The following TMEM269 variants were observed in gnomAD, a reference collection of about 807,000 sequenced individuals.
TMEM269 encodes transmembrane protein 269.
TMEM269 carries 12 observed loss-of-function variants against 15.8 expected under a neutral mutation model. The observed-to-expected ratio is 0.76, with a 90% CI of 0.49 to 1.23. The LOEUF is 1.23. TMEM269 is among the 50% of genes most tolerant of loss of function. The pLI is 0.00. For missense variants in TMEM269, 211 were observed against 245.4 expected (o/e 0.86, Z 0.94); for synonymous variants, 93 against 99.3 (o/e 0.94, Z 0.38).
At chr1:42,789,602 C>A in intron 1 of TMEM269, 194 bp from the exon 2 acceptor site, 1 of 1,151,354 alleles carries the variant, frequency 8.7e-7, no homozygotes, top group Non-Finnish European at 1.2e-6. Context: ...TCCCAAGACG[C>A]TGGATCCTCA....
At chr1:42,793,564 A>G in intron 3 of TMEM269, 37 bp from the exon 4 acceptor site, 2 of 1,532,986 alleles carry the variant, frequency 1.3e-6, no homozygotes, top group Non-Finnish European at 1.8e-6. Flanking sequence ...AAGACGTGGG[A>G]GTATAAGTTC....
chr1:42,793,800 G>A (rs1570506201), intron 4 of TMEM269, 56 bp downstream of exon 4: 2 of 1,506,366 alleles, frequency 1.3e-6, no homozygotes, highest in East Asian at 2.5e-5. Flanking sequence ...AGAACGGGGG[G>A]CTGTCGGGTG....
At chr1:42,789,988 G>T in intron 2 of TMEM269, 54 bp downstream of exon 2, 1 of 1,299,408 alleles carries the variant, frequency 7.7e-7, no homozygotes. Flanking sequence ...AATGGCATGC[G>T]GGAAGGAGAG....
At chr1:42,786,737 G>A (rs148689976) in intron 1 of TMEM269, among the ~76,000 whole-genome samples, 55 of 152,346 alleles carry the variant, frequency 3.6e-4, no homozygotes, top group Middle Eastern at 3.4e-3. Flanking sequence ...TGGCTAAACT[G>A]TGTCCTTTGG....
rs1653874605 is a variant in TMEM269, at chr1:42,800,660, T to G, written c.*2435T>G. ...GACCTTGAATAAAACGTTTAATCTCTCTAAGCCTATTTTCCTATCTGTAAA... is the reference window on the plus strand; with the variant it reads ...GACCTTGAATAAAACGTTTAATCTCGCTAAGCCTATTTTCCTATCTGTAAA... On this transcript the variant is annotated 3_prime_UTR_variant, in exon 6 of 6. Coordinates refer to ENST00000637012, the MANE Select transcript of TMEM269 (RefSeq NM_001354602.2). 6.6e-6 allele frequency: 1 copy of G among 152,198 alleles called. No homozygotes were observed. Among genetic ancestry groups the G allele is most frequent in the African/African-American group, 2.4e-5 (1 of 41,442 alleles). 9.4% of individuals were successfully genotyped at this position (152,198 alleles called of 1,614,324 possible). A position where few individuals can be genotyped will look rare whatever the true frequency, so the allele number is the denominator to read the frequency against.
chr1:42,793,020 C>T (rs1653726883), intron 3 of TMEM269, 118 bp downstream of exon 3: 2 of 797,586 alleles, frequency 2.5e-6, no homozygotes, highest in Non-Finnish European at 4.2e-6. Flanking sequence ...CCTGTTCACA[C>T]CCCGCTGAGA....
intron 2 of TMEM269, 24 bp downstream of exon 2, chr1:42,789,958 C>T (rs1192374847): frequency 6.6e-7 from 1 of 1,524,452 alleles, no homozygotes; most frequent in Non-Finnish European, 8.9e-7. Flanking sequence ...CCAGCAAGCT[C>T]TTAGCCAAGA....
chr1:42,786,282 C>T (rs978702327), intron 1 of TMEM269, among the ~76,000 whole-genome samples: 3 of 152,210 alleles, frequency 2.0e-5, no homozygotes, highest in Admixed American at 6.5e-5. Context: ...ACAGGGACCT[C>T]GGCCAGCACT....
Position 42,797,080 on chromosome 1 carries a change from AT to A in TMEM269, c.485-1017del, listed in dbSNP as rs1653802496. 6.6e-6 allele frequency among the ~76,000 whole-genome samples: 1 copy of A among 152,138 alleles called. No individual in the cohort carries two copies. The highest frequency in any genetic ancestry group is 2.1e-4 in the South Asian group (1 of 4,834). On this transcript the variant is annotated intron_variant, in intron 5 of 5. Transcript: ENST00000637012. The surrounding 1 kb of genome is among the most constrained non-coding windows in gnomAD (Gnocchi z 4.9). Reference sequence around the variant, plus strand: ...TTATTGTGAAGTGTAAATGAAAAAAATGTACACATCTAGCAGAATGTCTAGT... The same window carrying A: ...TTATTGTGAAGTGTAAATGAAAAAAAGTACACATCTAGCAGAATGTCTAGT...
intron 1 of TMEM269, among the ~76,000 whole-genome samples, chr1:42,785,308 G>T (rs1409383666): frequency 1.3e-5 from 2 of 152,208 alleles, no homozygotes; most frequent in Admixed American, 6.5e-5. Flanking sequence ...AGGGGAGGGG[G>T]TCTGTAACTG....
Position 42,790,313 on chromosome 1 carries a change from A to G in TMEM269, c.41+379A>G, listed in dbSNP as rs187136499. The stretch of plus-strand genomic sequence containing the variant: ...CCCCAAAATGTTGTAAGCAAATTCT[A>G]TTTCTGTAAGTTGAATCCCATTTCA... On this transcript the variant is annotated intron_variant, in intron 2 of 5. Coordinates refer to ENST00000637012, the MANE Select transcript of TMEM269 (RefSeq NM_001354602.2). 1.0e-3 allele frequency among the ~76,000 whole-genome samples: 155 copies of G among 152,242 alleles called. 2 individuals carry two copies. In the South Asian group the frequency reaches 0.023, roughly 23 times the overall value.
intron 1 of TMEM269, 76 bp from the exon 2 acceptor site, chr1:42,789,720 T>C: frequency 1.1e-6 from 1 of 883,644 alleles, no homozygotes; most frequent in Non-Finnish European, 1.8e-6. Context: ...TGAGATCTAG[T>C]GGAACAGGTC....
intron 2 of TMEM269, among the ~76,000 whole-genome samples, chr1:42,790,625 G>T (rs1372538336): frequency 1.4e-5 from 2 of 144,230 alleles, no homozygotes; most frequent in East Asian, 2.0e-4. Context: ...AAGAGATGAG[G>T]TCTCATTATA....
At chr1:42,787,700 T>C (rs1053315687) in intron 1 of TMEM269, among the ~76,000 whole-genome samples, 2 of 148,188 alleles carry the variant, frequency 1.3e-5, no homozygotes, top group African/African-American at 5.0e-5. Flanking sequence ...GGTTTGTGAA[T>C]GGAGGAGATA....
chr1:42,794,651 A>G, intron 5 of TMEM269, 38 bp downstream of exon 5: 1 of 1,438,542 alleles, frequency 7.0e-7, no homozygotes, highest in South Asian at 1.2e-5. Context: ...TTGTTATCAC[A>G]GTTGCTTATT....
intron 2 of TMEM269, among the ~76,000 whole-genome samples, chr1:42,791,074 T>C (rs571248790): frequency 2.0e-5 from 3 of 152,172 alleles, no homozygotes; most frequent in Non-Finnish European, 2.9e-5. Context: ...ATGGAAATCA[T>C]TTAAAGCATC....
At position 42,793,589 on chromosome 1, in the gene TMEM269, C is replaced by T. The variant is rs888786510; in HGVS notation, c.140-12C>T. 1.6e-5 allele frequency: 25 copies of T among 1,546,044 alleles called. No homozygotes were observed. In the African/African-American group the frequency reaches 2.5e-4, roughly 15 times the overall value. ...AGTATAAGTTCTTCTAACCTTGGGC[C>T]GTCTGGGGCAGGAGCCGAGCTGAAT... On this transcript the variant is annotated splice_polypyrimidine_tract_variant and intron_variant, in intron 3 of 5. Coordinates refer to ENST00000637012, the MANE Select transcript of TMEM269 (RefSeq NM_001354602.2).
intron 5 of TMEM269, 96 bp from the exon 6 acceptor site, chr1:42,798,001 AG>A (rs1653817424): frequency 7.2e-7 from 1 of 1,390,874 alleles, no homozygotes; most frequent in Admixed American, 2.0e-5. Context: ...GTGGGTGAAA[AG>A]TAAAGAATGG....
At chr1:42,795,226 A>G (rs571167274) in intron 5 of TMEM269, among the ~76,000 whole-genome samples, 2 of 152,284 alleles carry the variant, frequency 1.3e-5, no homozygotes, top group East Asian at 3.9e-4. Context: ...GCAGAGGAAC[A>G]GTATGTTGTG....
Sources: gnomAD v4.1 joint callset for allele counts (sites outside exome capture counted in the v4.1 genomes callset) on GRCh38, gnomAD v4.1.1 for gene constraint, Gnocchi (gnomAD v3.1) non-coding constraint, MANE v1.5 for transcripts, NCBI Gene and HGNC (gene_info 2026-07-23, HGNC 2026-07-21) for gene names.